Variants in FGF12 observed in about 807,000 individuals in gnomAD.
FGF12 encodes the protein fibroblast growth factor 12, also known as fibroblast growth factor 12B.
Under a neutral mutation model 23.6 loss-of-function variants are expected in FGF12, and 14 were observed. The observed-to-expected ratio is 0.59, with a 90% CI of 0.39 to 0.93. The LOEUF (loss-of-function observed/expected upper bound fraction) is 0.93. Ranked by LOEUF, FGF12 falls within the 40% of genes least tolerant of loss-of-function variation. FGF12 has a pLI of 0.00. For synonymous variants in FGF12, 62 were observed against 77.3 expected (o/e 0.80, Z 1.04); for missense variants, 175 against 217.8 (o/e 0.80, Z 1.24).
chr3:192,600,866 C>T (rs1291561692), intron 2 of FGF12, among the ~76,000 whole-genome samples: 1 of 151,924 alleles, frequency 6.6e-6, no homozygotes, highest in Non-Finnish European at 1.5e-5. Flanking sequence ...AAACTCATAA[C>T]ACCGCTATGG....
rs146429234 is a variant in FGF12, at chr3:192,269,359, G to T, written c.228+66002C>A. ...CTCCTAGCTTTTTAACCTGCACTCA[G>T]TGTTACCAGATGTAATCAATGTAGA... On this transcript the variant is annotated intron_variant, in intron 4 of 5. Transcript: ENST00000445105. Among the ~76,000 whole-genome samples, 684 of 152,238 alleles carry T rather than the reference G, an allele frequency of 4.5e-3. 4 individuals carry two copies. Among genetic ancestry groups the T allele is most frequent in the Non-Finnish European group, 7.5e-3 (508 of 68,020 alleles).
chr3:192,294,469 C>T (rs1353586883), intron 4 of FGF12, among the ~76,000 whole-genome samples: 3 of 152,154 alleles, frequency 2.0e-5, no homozygotes, highest in African/African-American at 2.4e-5. Flanking sequence ...GCACTGTTCC[C>T]TGTCATCGCT....
chr3:192,398,391 T>C (rs1425959814), intron 2 of FGF12, among the ~76,000 whole-genome samples: 2 of 151,410 alleles, frequency 1.3e-5, no homozygotes, highest in Non-Finnish European at 2.9e-5. Context: ...TTTTTCTTTT[T>C]TTTTTTTTTT....
intron 2 of FGF12, among the ~76,000 whole-genome samples, chr3:192,633,906 G>T (rs62293050): frequency 0.33 from 50,758 of 151,972 alleles, 9,490 homozygotes; most frequent in African/African-American, 0.51. Context: ...ACAGGTGCCT[G>T]CATCTCCTCC....
intron 4 of FGF12, among the ~76,000 whole-genome samples, chr3:192,216,206 A>T (rs1718185220): frequency 6.6e-6 from 1 of 152,148 alleles, no homozygotes; most frequent in South Asian, 2.1e-4. Flanking sequence ...TCTCCAAGTG[A>T]CTATTTCTTT....
rs1713674841 is a variant in FGF12, at chr3:192,274,755, G to A, written c.228+60606C>T. Among the ~76,000 whole-genome samples the A allele has an allele frequency of 2.0e-5, 3 of 152,146 alleles. No individual in the cohort carries two copies. In the South Asian group the frequency reaches 6.2e-4, roughly 32 times the overall value. On this transcript the variant is annotated intron_variant, in intron 4 of 5. Coordinates refer to ENST00000445105, the MANE Select transcript of FGF12 (RefSeq NM_004113.6). ...GATGTTCAGATAAGGACATAACAAG[G>A]ACACAGTGTGGCACTAAAGAAACAA...
chr3:192,609,107 C>A (rs547703324), intron 2 of FGF12, among the ~76,000 whole-genome samples: 1 of 152,120 alleles, frequency 6.6e-6, no homozygotes, highest in East Asian at 1.9e-4. Context: ...GACGGGGGTT[C>A]AACAGGTCAA....
chr3:192,180,805 A>G (rs971129022), intron 4 of FGF12, among the ~76,000 whole-genome samples: 2 of 152,188 alleles, frequency 1.3e-5, no homozygotes, highest in Admixed American at 6.5e-5. Flanking sequence ...GTTTCCAGGC[A>G]CTTGTCAACT....
chr3:192,377,585 T>A (rs34813320), intron 2 of FGF12, among the ~76,000 whole-genome samples: 4 of 152,122 alleles, frequency 2.6e-5, no homozygotes, highest in Non-Finnish European at 5.9e-5. Context: ...ATTATGGGGG[T>A]AACATTAAAA....
At chr3:192,294,849 T>C (rs551675416) in intron 4 of FGF12, among the ~76,000 whole-genome samples, 59 of 152,300 alleles carry the variant, frequency 3.9e-4, no homozygotes, top group Non-Finnish European at 7.1e-4. Context: ...TAAAGACATA[T>C]TGTTTAACAC....
intron 2 of FGF12, among the ~76,000 whole-genome samples, chr3:192,719,786 C>CAAAAAA (rs553013127): frequency 2.0e-5 from 2 of 102,374 alleles, no homozygotes; most frequent in African/African-American, 4.1e-5. Flanking sequence ...AGACTAAGGG[C>CAAAAAA]AAAAAAAAAA....
chr3:192,480,238 G>A (rs1261824609), intron 2 of FGF12, among the ~76,000 whole-genome samples: 1 of 152,228 alleles, frequency 6.6e-6, no homozygotes, highest in African/African-American at 2.4e-5. Context: ...GTAAGACTTC[G>A]CAAAGGAACC....
chr3:192,663,909 C>T (rs1716760671), intron 2 of FGF12, among the ~76,000 whole-genome samples: 1 of 152,310 alleles, frequency 6.6e-6, no homozygotes, highest in East Asian at 1.9e-4. Context: ...AGCATTTTCA[C>T]ATGCATTATA....
chr3:192,405,171 C>T (rs1720911299), intron 2 of FGF12, among the ~76,000 whole-genome samples: 1 of 151,074 alleles, frequency 6.6e-6, no homozygotes, highest in Non-Finnish European at 1.5e-5. Flanking sequence ...ATCCAATGTG[C>T]ACCCTGGCCC....
intron 4 of FGF12, among the ~76,000 whole-genome samples, chr3:192,222,383 C>A (rs190497355): frequency 8.5e-4 from 130 of 152,268 alleles, no homozygotes; most frequent in African/African-American, 3.0e-3. Flanking sequence ...TATCAGACAC[C>A]TTTACTTCTA....
intron 4 of FGF12, among the ~76,000 whole-genome samples, chr3:192,242,341 T>C (rs111991574): frequency 0.027 from 4,104 of 152,278 alleles, 189 homozygotes; most frequent in African/African-American, 0.094. Context: ...GCAGCATCCC[T>C]AGCCAGATGC....
At chr3:192,630,643 C>A (rs1214102397) in intron 2 of FGF12, among the ~76,000 whole-genome samples, 2 of 151,020 alleles carry the variant, frequency 1.3e-5, no homozygotes, top group Non-Finnish European at 2.9e-5. Flanking sequence ...AGCTCTGTCT[C>A]CCAGGTTCAC....
intron 2 of FGF12, among the ~76,000 whole-genome samples, chr3:192,626,125 C>T (rs544403835): frequency 6.6e-6 from 1 of 152,310 alleles, no homozygotes; most frequent in East Asian, 1.9e-4. Flanking sequence ...ATTAAATGCT[C>T]ACCAAGAATA....
chr3:192,530,748 TTATACA>T (rs1384504276), intron 2 of FGF12, among the ~76,000 whole-genome samples: 2 of 152,258 alleles, frequency 1.3e-5, no homozygotes, highest in African/African-American at 2.4e-5. Context: ...GTGCATAGAC[TTATACA>T]TATACTAAGA....
Sources: allele counts gnomAD v4.1 joint callset (sites outside exome capture counted in the v4.1 genomes callset), GRCh38; gene constraint gnomAD v4.1.1; transcripts MANE v1.5; gene names NCBI Gene and HGNC (gene_info 2026-07-23, HGNC 2026-07-21).